Variants in SLC24A2 observed in about 807,000 individuals in gnomAD.
SLC24A2 encodes sodium/potassium/calcium exchanger 2.
In SLC24A2, 36 loss-of-function variants were observed where a neutral mutation model predicts 62.0. The observed-to-expected ratio is 0.58, with a 90% CI of 0.44 to 0.77. SLC24A2 has a LOEUF of 0.77. SLC24A2 is among the 30% of genes least tolerant of loss of function. The pLI, the probability that SLC24A2 is intolerant of heterozygous loss-of-function variation, is 0.00. For synonymous variants in SLC24A2, 358 were observed against 294.0 expected, an observed-to-expected ratio of 1.22 and a Z score of -2.23; for missense variants, 846 against 817.9, an observed-to-expected ratio of 1.03 and a Z score of -0.42.
chr9:20,023,770 T>G, the SLC24A2 span, among the ~76,000 whole-genome samples: 2 of 152,116 alleles, frequency 1.3e-5, no homozygotes, highest in Admixed American at 1.3e-4. Context: ...GCTGTTCCTC[T>G]AAAACAAACT....
intron 7 of SLC24A2, among the ~76,000 whole-genome samples, chr9:19,552,170 GCT>G (rs1834877209): frequency 6.6e-6 from 1 of 152,026 alleles, no homozygotes; most frequent in Non-Finnish European, 1.5e-5. Flanking sequence ...CATCCTGAGG[GCT>G]CCCATCTTTG....
chr9:20,159,567 G>A, the SLC24A2 span, among the ~76,000 whole-genome samples: 115 of 151,750 alleles, frequency 7.6e-4, no homozygotes, highest in Non-Finnish European at 1.5e-3. Flanking sequence ...AGTAGTATGT[G>A]TGACAAAGCA....
At chr9:20,281,287 C>G in the SLC24A2 span, among the ~76,000 whole-genome samples, 1 of 152,158 alleles carries the variant, frequency 6.6e-6, no homozygotes, top group Non-Finnish European at 1.5e-5. Context: ...CTTATTTATA[C>G]TTTTTAAGGA....
chr9:19,763,500 T>G (rs978855713), intron 2 of SLC24A2, among the ~76,000 whole-genome samples: 3 of 152,212 alleles, frequency 2.0e-5, no homozygotes, highest in African/African-American at 7.2e-5. Context: ...CATCAATACC[T>G]TGTTTATGGA....
chr9:19,759,625 GA>G (rs1168828091), intron 2 of SLC24A2, among the ~76,000 whole-genome samples: 3 of 152,146 alleles, frequency 2.0e-5, no homozygotes, highest in African/African-American at 7.2e-5. Flanking sequence ...TTTAAGTAAA[GA>G]ATACTCTAGT....
chr9:20,216,919 T>C, the SLC24A2 span, among the ~76,000 whole-genome samples: 7 of 152,152 alleles, frequency 4.6e-5, no homozygotes, highest in African/African-American at 1.7e-4. Flanking sequence ...CTTAAACTTA[T>C]GGAGGGTTCA....
chr9:20,174,612 A>C, the SLC24A2 span, among the ~76,000 whole-genome samples: 2 of 152,138 alleles, frequency 1.3e-5, no homozygotes, highest in Non-Finnish European at 1.5e-5. Context: ...GCTCAACATC[A>C]CTAATGATCC....
chr9:20,053,968 C>G, the SLC24A2 span, among the ~76,000 whole-genome samples: 2 of 152,200 alleles, frequency 1.3e-5, no homozygotes, highest in African/African-American at 4.8e-5. Flanking sequence ...CAGCTTAATG[C>G]TTTCCTCTAC....
the SLC24A2 span, among the ~76,000 whole-genome samples, chr9:20,214,455 T>C: frequency 1.4e-4 from 21 of 151,370 alleles, no homozygotes; most frequent in Admixed American, 1.1e-3. Flanking sequence ...TGCTAAACAA[T>C]ACAAAAAAAA....
the SLC24A2 span, among the ~76,000 whole-genome samples, chr9:20,174,793 A>G: frequency 6.6e-6 from 1 of 151,964 alleles, no homozygotes; most frequent in Admixed American, 6.6e-5. Context: ...ACAGTGTGGC[A>G]ATTCCTTAAA....
intron 8 of SLC24A2, among the ~76,000 whole-genome samples, chr9:19,543,472 A>G (rs1447735836): frequency 2.0e-5 from 3 of 147,272 alleles, no homozygotes; most frequent in South Asian, 4.4e-4. Flanking sequence ...GTCTTCTGCT[A>G]TCTTTTGAAT....
the SLC24A2 span, among the ~76,000 whole-genome samples, chr9:19,946,930 A>G: frequency 6.6e-6 from 1 of 151,770 alleles, no homozygotes; most frequent in South Asian, 2.1e-4. Flanking sequence ...GCTTTCTTCT[A>G]ATGTAAAAAA....
At chr9:19,611,866 A>C (rs62562869) in intron 4 of SLC24A2, among the ~76,000 whole-genome samples, 6,454 of 152,224 alleles carry the variant, frequency 0.042, 165 homozygotes, top group Middle Eastern at 0.12. Flanking sequence ...GTCCTGGGAA[A>C]ATAGATTTCC....
chr9:20,188,081 G>T, the SLC24A2 span, among the ~76,000 whole-genome samples: 107 of 152,300 alleles, frequency 7.0e-4, no homozygotes, highest in African/African-American at 2.4e-3. Flanking sequence ...CTGGCCTCTT[G>T]GATTGGTTTT....
intron 2 of SLC24A2, among the ~76,000 whole-genome samples, chr9:19,728,620 T>C (rs966865389): frequency 2.0e-5 from 3 of 152,160 alleles, no homozygotes; most frequent in Non-Finnish European, 4.4e-5. Context: ...CAGGCATGTA[T>C]AATTTTCAAA....
At chr9:20,002,507 A>ACT in the SLC24A2 span, among the ~76,000 whole-genome samples, 2 of 152,074 alleles carry the variant, frequency 1.3e-5, no homozygotes, top group Non-Finnish European at 2.9e-5. Context: ...GTTAAAACAA[A>ACT]CTCAGGTACC....
intron 2 of SLC24A2, among the ~76,000 whole-genome samples, chr9:19,680,174 G>C (rs184586655): frequency 6.6e-6 from 1 of 152,086 alleles, no homozygotes; most frequent in Non-Finnish European, 1.5e-5. Context: ...GAGAAGTACT[G>C]AAAGTAGGCC....
At chr9:20,134,384 A>G in the SLC24A2 span, among the ~76,000 whole-genome samples, 1 of 152,198 alleles carries the variant, frequency 6.6e-6, no homozygotes, top group East Asian at 1.9e-4. Flanking sequence ...AACAAAAGAA[A>G]TCTACTTCCA....
intron 2 of SLC24A2, among the ~76,000 whole-genome samples, chr9:19,736,427 T>G (rs1173376512): frequency 1.3e-5 from 2 of 152,162 alleles, no homozygotes; most frequent in African/African-American, 4.8e-5. Flanking sequence ...ATTTTGAATA[T>G]AAGAGCTTGA....
Sources: gnomAD v4.1 joint callset for allele counts (sites outside exome capture counted in the v4.1 genomes callset) on GRCh38, gnomAD v4.1.1 for gene constraint, MANE v1.5 for transcripts, NCBI Gene and HGNC (gene_info 2026-07-23, HGNC 2026-07-21) for gene names.